The following ZNF652 variants were observed in gnomAD, a reference collection of about 807,000 sequenced individuals.
ZNF652 encodes zinc finger protein 652.
In ZNF652, 16 loss-of-function variants were observed where a neutral mutation model predicts 45.2. That is an observed-to-expected ratio of 0.35 (90% confidence interval 0.24 to 0.54). The LOEUF (loss-of-function observed/expected upper bound fraction) is 0.54. ZNF652 is among the 20% of genes least tolerant of loss of function. The pLI, the probability that ZNF652 is intolerant of heterozygous loss-of-function variation, is 0.91. For synonymous variants in ZNF652, 250 were observed against 260.6 expected (o/e 0.96, Z 0.39); for missense variants, 614 against 765.6 (o/e 0.80, Z 2.34).
chr17:49,328,870 T>C (rs1198738364), intron 1 of ZNF652, among the ~76,000 whole-genome samples: 2 of 152,232 alleles, frequency 1.3e-5, no homozygotes, highest in African/African-American at 4.8e-5. Flanking sequence ...TTTCCCGTTG[T>C]CATTGCTGGT....
Position 49,296,670 on chromosome 17 carries a change from G to A in ZNF652, c.*1743C>T, listed in dbSNP as rs1315724885. The A allele has an allele frequency of 1.3e-5, 2 of 151,990 alleles. No individual in the cohort carries two copies. The highest frequency in any genetic ancestry group is 4.8e-5 in the African/African-American group (2 of 41,378). 9.4% of individuals were successfully genotyped at this position (151,990 alleles called of 1,614,324 possible). A position where few individuals can be genotyped will look rare whatever the true frequency, so the allele number is the denominator to read the frequency against. ...TTGAACCCAAGAGTTGGAGGCTGTAGTGTGCTATAACTGCACCTGTGAATA... is the reference window on the plus strand; with the variant it reads ...TTGAACCCAAGAGTTGGAGGCTGTAATGTGCTATAACTGCACCTGTGAATA... On this transcript the variant is annotated 3_prime_UTR_variant, in exon 6 of 6. Transcript: ENST00000430262.
chr17:49,313,761 T>A (rs2069752026), intron 2 of ZNF652, among the ~76,000 whole-genome samples: 1 of 150,594 alleles, frequency 6.6e-6, no homozygotes, highest in Non-Finnish European at 1.5e-5. Context: ...TCACCTGAGG[T>A]CAGGAGTTCG....
At chr17:49,334,886 G>C (rs2070064081) in intron 1 of ZNF652, among the ~76,000 whole-genome samples, 1 of 152,010 alleles carries the variant, frequency 6.6e-6, no homozygotes, top group Non-Finnish European at 1.5e-5. Flanking sequence ...CTACCTAGTT[G>C]TATGACTCTA....
chr17:49,337,854 T>G (rs2070102630), intron 1 of ZNF652, among the ~76,000 whole-genome samples: 1 of 152,184 alleles, frequency 6.6e-6, no homozygotes, highest in Non-Finnish European at 1.5e-5. Flanking sequence ...ACATGCAAAG[T>G]ACCAAGAGGC....
At chr17:49,325,420 A>G (rs2069946375) in intron 1 of ZNF652, among the ~76,000 whole-genome samples, 1 of 152,194 alleles carries the variant, frequency 6.6e-6, no homozygotes, top group African/African-American at 2.4e-5. Flanking sequence ...AAACAATTAT[A>G]ACAGTAACAT....
intron 1 of ZNF652, among the ~76,000 whole-genome samples, chr17:49,345,873 C>T (rs2070200409): frequency 6.7e-6 from 1 of 149,978 alleles, no homozygotes; most frequent in East Asian, 2.0e-4. Flanking sequence ...AGTAATCAAA[C>T]CCATTCAGAT....
intron 5 of ZNF652, among the ~76,000 whole-genome samples, chr17:49,310,003 G>C (rs1350869160): frequency 6.6e-6 from 1 of 152,094 alleles, no homozygotes; most frequent in Non-Finnish European, 1.5e-5. Flanking sequence ...ACCCAGGCTG[G>C]AGTGCAGTGG....
intron 5 of ZNF652, among the ~76,000 whole-genome samples, chr17:49,299,893 C>T (rs2069528803): frequency 6.6e-6 from 1 of 151,126 alleles, no homozygotes; most frequent in Non-Finnish European, 1.5e-5. Context: ...GGAATTTTGC[C>T]CAGGCTGGTC....
intron 1 of ZNF652, among the ~76,000 whole-genome samples, chr17:49,345,752 A>G (rs2070198245): frequency 6.6e-6 from 1 of 151,284 alleles, no homozygotes; most frequent in Non-Finnish European, 1.5e-5. Context: ...GAGGCAGGAG[A>G]ATGGCGTGAA....
At chr17:49,351,012 TATACACACACACACACACACACACAC>T (rs2070273187) in intron 1 of ZNF652, among the ~76,000 whole-genome samples, 3 of 20,306 alleles carry the variant, frequency 1.5e-4, no homozygotes, top group Admixed American at 5.2e-4. Flanking sequence ...TATATATATA[TATACACACACACACACACACACACAC>T]ACACACACAC....
intron 1 of ZNF652, among the ~76,000 whole-genome samples, chr17:49,360,584 A>C (rs1672019130): frequency 6.6e-6 from 1 of 152,156 alleles, no homozygotes; most frequent in South Asian, 2.1e-4. Context: ...TCACAGTGTC[A>C]AGCCCCACTC....
At chr17:49,339,412 A>G (rs1196859074) in intron 1 of ZNF652, among the ~76,000 whole-genome samples, 1 of 151,320 alleles carries the variant, frequency 6.6e-6, no homozygotes, top group Non-Finnish European at 1.5e-5. Context: ...CATAATCCAA[A>G]ATTACATGTT....
chr17:49,298,010 G>A lies in ZNF652; in HGVS notation c.*403C>T, dbSNP rs1209919938. 2 of 194,440 alleles carry A rather than the reference G, an allele frequency of 1.0e-5. No homozygotes were observed. Among genetic ancestry groups the A allele is most frequent in the Non-Finnish European group, 2.1e-5 (2 of 93,218 alleles). 12.0% of individuals were successfully genotyped at this position (194,440 alleles called of 1,614,324 possible). A position where few individuals can be genotyped will look rare whatever the true frequency, so the allele number is the denominator to read the frequency against. ...TACCATACACAGTGATACAATTAAT[G>A]CTCTGGATTAATCTCACAGCCTTCC... On this transcript the variant is annotated 3_prime_UTR_variant, in exon 6 of 6. Coordinates refer to ENST00000430262, the MANE Select transcript of ZNF652 (RefSeq NM_001145365.3).
intron 1 of ZNF652, among the ~76,000 whole-genome samples, chr17:49,341,701 A>C (rs1259352778): frequency 6.6e-6 from 1 of 152,080 alleles, no homozygotes; most frequent in Non-Finnish European, 1.5e-5. Context: ...AAAAAGTAGT[A>C]ATAGAAAATA....
chr17:49,316,898 T>C lies in ZNF652; in HGVS notation c.828A>G (p.Lys276=). ...TTTCCAGGACAAACTTCTTGCCACA[T>C]TTATCACAAATCTGCATGCGCCTAT... The part of the protein sequence containing the change: ...VTHRRMQICD[K]CGKKFVLESE... The change falls in exon 2 of 6, where the codon AAA becomes AAG. Residue 276 remains lysine (K), a synonymous_variant. Coordinates refer to ENST00000430262, the MANE Select transcript of ZNF652 (RefSeq NM_001145365.3). 6.2e-7 allele frequency: 1 copy of C among 1,614,134 alleles called. No individual in the cohort carries two copies. The highest frequency in any genetic ancestry group is 8.5e-7 in the Non-Finnish European group (1 of 1,180,014).
Position 49,316,936 on chromosome 17 carries a change from T to G in ZNF652, c.790A>C (p.Met264Leu). Residue 264 changes from methionine (M) to leucine (L), a missense_variant, in exon 2 of 6, where the codon ATG becomes CTG. Physicochemically the swap from Met to Leu is conservative, Grantham distance 15. Around this residue, in one of 5 missense-constraint regions of ZNF652, gnomAD observed 262 missense variants for 306.3 expected, o/e 0.86. Coordinates refer to ENST00000430262, the MANE Select transcript of ZNF652 (RefSeq NM_001145365.3). ...TGCATGCGCCTATGAGTAACGTTCA[T>G]GTGCTTCTCCAGGTACCAGCGAGTG... ...FNTRWYLEKH[M>L]NVTHRRMQIC... 1 of 1,614,196 alleles carries G rather than the reference T, an allele frequency of 6.2e-7. No individual in the cohort carries two copies. The highest frequency in any genetic ancestry group is 8.5e-7 in the Non-Finnish European group (1 of 1,180,028).
chr17:49,354,210 T>C (rs2070310668), intron 1 of ZNF652, among the ~76,000 whole-genome samples: 1 of 152,130 alleles, frequency 6.6e-6, no homozygotes, highest in Non-Finnish European at 1.5e-5. Context: ...ATATAAGCTT[T>C]AAATATATCT....
chr17:49,314,996 A>T (rs1232688385), intron 2 of ZNF652, among the ~76,000 whole-genome samples: 1 of 151,806 alleles, frequency 6.6e-6, no homozygotes, highest in Non-Finnish European at 1.5e-5. Context: ...TGCTGAGATT[A>T]CAGGTGTGAG....
chr17:49,289,211 C>T lies in ZNF652; in HGVS notation c.*9202G>A, dbSNP rs2069371825. The T allele has an allele frequency of 1.5e-5, 2 of 137,192 alleles. No individual in the cohort carries two copies. The highest frequency in any genetic ancestry group is 5.3e-5 in the African/African-American group (2 of 37,464). 8.5% of individuals were successfully genotyped at this position (137,192 alleles called of 1,614,324 possible). A position where few individuals can be genotyped will look rare whatever the true frequency, so the allele number is the denominator to read the frequency against. On this transcript the variant is annotated 3_prime_UTR_variant, in exon 6 of 6. Coordinates refer to ENST00000430262, the MANE Select transcript of ZNF652 (RefSeq NM_001145365.3). ...GAAGAAAGACACACAGGGGATATGG[C>T]TGCTTTTTTTTTTTTTTTTTACTTT...
Sources: gnomAD v4.1 joint callset for allele counts (sites outside exome capture counted in the v4.1 genomes callset) on GRCh38, gnomAD v4.1.1 for gene constraint, gnomAD v4.1.1 regional missense constraint, MANE v1.5 for transcripts, NCBI Gene and HGNC (gene_info 2026-07-23, HGNC 2026-07-21) for gene names.